Variants in AFF3 observed in about 807,000 individuals in gnomAD.
The protein encoded by AFF3 is ALF transcription elongation factor 3, also known as AF4/FMR2 family member 3.
A neutral mutation model predicts 129.7 loss-of-function variants in AFF3; 32 were observed. That is an observed-to-expected ratio of 0.25 (90% CI 0.19 to 0.33). The LOEUF (loss-of-function observed/expected upper bound fraction) is 0.33, where lower values mean the gene tolerates loss of function less well. Ranked by LOEUF, AFF3 falls within the 10% of genes least tolerant of loss-of-function variation. The pLI is 1.00. For synonymous variants in AFF3, 644 were observed against 635.4 expected (o/e 1.01, Z -0.20); for missense variants, 1,373 against 1,592.0 (o/e 0.86, Z 2.34).
intron 1 of AFF3, among the ~76,000 whole-genome samples, chr2:100,141,134 A>C (rs941208173): frequency 6.6e-6 from 1 of 152,242 alleles, no homozygotes; most frequent in African/African-American, 2.4e-5. Context: ...CTTGTGTTAC[A>C]GATGTGGGAA....
In AFF3 at chr2:99,881,813, AAAG is replaced by A. The variant is rs368127712; in HGVS notation, c.874-44292_874-44290del. Among the ~76,000 whole-genome samples, 36 of 152,346 alleles carry A rather than the reference AAAG, an allele frequency of 2.4e-4. No individual in the cohort carries two copies. In the South Asian group the frequency reaches 5.2e-3, roughly 22 times the overall value. ...AACACCAGTTCAACCATTAATGATA[AAAG>A]AAGAAGGTCATGAGCCAAATTAGTT... is the stretch of plus-strand genomic sequence containing the variant. On this transcript the variant is annotated intron_variant, in intron 7 of 24. Coordinates refer to ENST00000672756, the MANE Select transcript of AFF3 (RefSeq NM_001386135.1).
chr2:99,789,659 C>A (rs1685060073), intron 8 of AFF3, among the ~76,000 whole-genome samples: 1 of 152,022 alleles, frequency 6.6e-6, no homozygotes, highest in African/African-American at 2.4e-5. Context: ...TCAGGAGAGA[C>A]TTTCATTTTG....
rs556591524 is a variant in AFF3 at position 99,546,999 on chromosome 2, T to C, written c.*4475A>G. The C allele has an allele frequency of 4.5e-6, 1 of 220,028 alleles. No homozygotes were observed. Among genetic ancestry groups the C allele is most frequent in the South Asian group, 1.8e-4 (1 of 5,422 alleles). 13.6% of individuals were successfully genotyped at this position (220,028 alleles called of 1,614,324 possible). A position where few individuals can be genotyped will look rare whatever the true frequency, so the allele number is the denominator to read the frequency against. Reference sequence around the variant, plus strand: ...GTGCGTATGTGTATGTATCAGGAAATAGCAAAGACAAATAGTAAACTATAG... The same window carrying C: ...GTGCGTATGTGTATGTATCAGGAAACAGCAAAGACAAATAGTAAACTATAG... On this transcript the variant is annotated 3_prime_UTR_variant, in exon 25 of 25. Coordinates refer to ENST00000672756, the MANE Select transcript of AFF3 (RefSeq NM_001386135.1).
chr2:100,063,560 A>C (rs2105250145), intron 4 of AFF3, among the ~76,000 whole-genome samples: 1 of 152,294 alleles, frequency 6.6e-6, no homozygotes, highest in Non-Finnish European at 1.5e-5. Context: ...ATTGGAAGGA[A>C]GAAATGAAAA....
At chr2:100,007,499 C>A (rs777586869) in intron 5 of AFF3, 39 bp from the exon 6 acceptor site, 8 of 1,553,600 alleles carry the variant, frequency 5.1e-6, no homozygotes, top group African/African-American at 1.4e-5. Context: ...TTGTTAGAGA[C>A]AACAGAAACA....
chr2:99,646,261 C>A (rs1684681729), intron 13 of AFF3, among the ~76,000 whole-genome samples: 1 of 152,134 alleles, frequency 6.6e-6, no homozygotes, highest in Admixed American at 6.5e-5. Context: ...CATGGATGAG[C>A]AAACTTATAG....
intron 13 of AFF3, among the ~76,000 whole-genome samples, chr2:99,640,722 T>C (rs1684117255): frequency 6.6e-6 from 1 of 152,144 alleles, no homozygotes; most frequent in Middle Eastern, 3.2e-3. Context: ...GATTGAGCAG[T>C]CATTTTGTAT....
rs57291307 is a variant in AFF3, at chr2:99,565,147, T to C, written c.3119+340A>G. ...AGCTAAGATTTAGATGATACTAACCTGAACCAGATTTTTTTTTTTTTTTAA... is the reference window on the plus strand; with the variant it reads ...AGCTAAGATTTAGATGATACTAACCCGAACCAGATTTTTTTTTTTTTTTAA... On this transcript the variant is annotated intron_variant, in intron 20 of 24. Coordinates refer to ENST00000672756, the MANE Select transcript of AFF3 (RefSeq NM_001386135.1). Among the ~76,000 whole-genome samples, 629 of 152,162 alleles carry C rather than the reference T, an allele frequency of 4.1e-3. 18 individuals are homozygous for C. The East Asian group carries it at 0.1, about 24-fold the overall frequency.
intron 15 of AFF3, among the ~76,000 whole-genome samples, chr2:99,592,575 C>G (rs966112454): frequency 2.0e-5 from 3 of 152,188 alleles, no homozygotes; most frequent in Non-Finnish European, 4.4e-5. Flanking sequence ...CGTGTGCACA[C>G]GCTTGATAAA....
At chr2:99,868,002 G>GCC (rs1691566418) in intron 7 of AFF3, among the ~76,000 whole-genome samples, 1 of 145,554 alleles carries the variant, frequency 6.9e-6, no homozygotes, top group Admixed American at 7.0e-5. Context: ...TAACACCCAC[G>GCC]ACTCTCTTTC....
chr2:100,053,286 T>C (rs1686501586), intron 4 of AFF3, among the ~76,000 whole-genome samples: 1 of 152,258 alleles, frequency 6.6e-6, no homozygotes, highest in Non-Finnish European at 1.5e-5. Flanking sequence ...TGTTTGACAG[T>C]ACCCGAGAGT....
chr2:99,707,319 AT>A, intron 11 of AFF3: 1 of 985,136 alleles, frequency 1.0e-6, no homozygotes, highest in Non-Finnish European at 1.2e-6. Flanking sequence ...AGAAAAAAAA[AT>A]CAATCTTGAA....
chr2:99,789,559 C>T (rs1225485775), intron 8 of AFF3, among the ~76,000 whole-genome samples: 1 of 152,010 alleles, frequency 6.6e-6, no homozygotes, highest in African/African-American at 2.4e-5. Context: ...AGTATGGCTG[C>T]CCTCTCCCAG....
chr2:99,713,072 T>C (rs943322909), intron 11 of AFF3, among the ~76,000 whole-genome samples: 1 of 151,834 alleles, frequency 6.6e-6, no homozygotes, highest in Non-Finnish European at 1.5e-5. Context: ...TTACCAGAAA[T>C]GGGGAGGAGC....
chr2:99,943,088 A>G (rs955044130), intron 7 of AFF3, among the ~76,000 whole-genome samples: 29 of 152,110 alleles, frequency 1.9e-4, no homozygotes, highest in Admixed American at 1.4e-3. Flanking sequence ...GCTCACTAAA[A>G]CACCATTCCT....
At chr2:100,025,867 T>A (rs1005619068) in intron 4 of AFF3, among the ~76,000 whole-genome samples, 1 of 152,140 alleles carries the variant, frequency 6.6e-6, no homozygotes, top group African/African-American at 2.4e-5. Flanking sequence ...TGAAACTGGA[T>A]CCTCATCTCT....
intron 13 of AFF3, among the ~76,000 whole-genome samples, chr2:99,622,430 G>A (rs1350799758): frequency 3.9e-5 from 6 of 152,206 alleles, no homozygotes; most frequent in Non-Finnish European, 1.5e-5. Flanking sequence ...GTTGTTTTAT[G>A]GGCAGGCTGA....
chr2:99,933,503 G>A (rs183425438), intron 7 of AFF3, among the ~76,000 whole-genome samples: 51 of 149,582 alleles, frequency 3.4e-4, no homozygotes, highest in African/African-American at 1.2e-3. Flanking sequence ...CCCACCCCCC[G>A]ACAGGCCCTG....
chr2:99,827,856 C>T (rs553860147), intron 8 of AFF3, among the ~76,000 whole-genome samples: 2 of 151,936 alleles, frequency 1.3e-5, no homozygotes, highest in South Asian at 2.1e-4. Context: ...CCCCCAGCGC[C>T]GAGAACAGAG....
Sources: gnomAD v4.1 joint callset for allele counts (sites outside exome capture counted in the v4.1 genomes callset) on GRCh38, gnomAD v4.1.1 for gene constraint, MANE v1.5 for transcripts, NCBI Gene and HGNC (gene_info 2026-07-23, HGNC 2026-07-21) for gene names.